Variants in SYT1 observed in about 807,000 individuals in gnomAD.
SYT1 encodes the protein synaptotagmin 1.
In SYT1, 8 loss-of-function variants were observed where a neutral mutation model predicts 44.8. The ratio of observed to expected loss-of-function variants is 0.18; its 90% CI spans 0.10 to 0.32. The LOEUF is 0.32. Among genes scored for constraint, SYT1 ranks in the 10% least tolerant of loss-of-function variants. The pLI is 1.00. For synonymous variants in SYT1, 154 were observed against 188.8 expected, an observed-to-expected ratio of 0.82 and a Z score of 1.51; for missense variants, 286 against 509.3, an observed-to-expected ratio of 0.56 and a Z score of 4.22.
rs56962075 is a variant in SYT1, at chr12:79,323,948, CTTTTTT to C, written c.810+24412_810+24417del. Among the ~76,000 whole-genome samples, 212 of 112,636 alleles carry C rather than the reference CTTTTTT, an allele frequency of 1.9e-3. 1 individual carries two copies. The highest frequency in any genetic ancestry group is 6.7e-3 in the African/African-American group (201 of 30,132). The allele number at this position is 112,636 out of a possible 152,430, so 73.9% of individuals were successfully genotyped here. The stretch of plus-strand genomic sequence containing the variant: ...ATTATGGTATTTTTGTTTCTATTTT[CTTTTTT>C]TTTTTTTTTTTTTTGAGATAGAGTC... On this transcript the variant is annotated intron_variant, in intron 8 of 10. Transcript: ENST00000261205.
chr12:79,416,669 A>G (rs746900740), intron 9 of SYT1, among the ~76,000 whole-genome samples: 76 of 152,194 alleles, frequency 5.0e-4, no homozygotes, highest in Admixed American at 1.4e-3. Flanking sequence ...CTAAGAATGG[A>G]AAGAAAAGGC....
Position 79,069,523 on chromosome 12 carries a change from CTATTTTATTTATGGA to C in SYT1, c.-18+22166_-18+22180del, listed in dbSNP as rs556199454. On this transcript the variant is annotated intron_variant, in intron 3 of 10. Coordinates refer to ENST00000261205, the MANE Select transcript of SYT1 (RefSeq NM_005639.3). ...GATGTTGAGACTCTAAGTGATTTTT[CTATTTTATTTATGGA>C]TATTATAATATTAATTTTAATACTA... Among the ~76,000 whole-genome samples, 413 of 150,592 alleles carry C rather than the reference CTATTTTATTTATGGA, an allele frequency of 2.7e-3. 1 individual carries two copies. Among genetic ancestry groups the C allele is most frequent in the African/African-American group, 9.6e-3 (395 of 41,116 alleles).
intron 9 of SYT1, among the ~76,000 whole-genome samples, chr12:79,434,622 G>T (rs1229458846): frequency 6.6e-6 from 1 of 152,144 alleles, no homozygotes; most frequent in Non-Finnish European, 1.5e-5. Context: ...AACTCTGAAT[G>T]TTAAATTTAT....
intron 3 of SYT1, among the ~76,000 whole-genome samples, chr12:79,059,499 G>A (rs1875216137): frequency 6.6e-6 from 1 of 152,028 alleles, no homozygotes. Context: ...CGTTATTTGT[G>A]TTAGTTATAA....
intron 3 of SYT1, among the ~76,000 whole-genome samples, chr12:79,051,411 C>T (rs1400984072): frequency 6.7e-6 from 1 of 149,890 alleles, no homozygotes; most frequent in Non-Finnish European, 1.5e-5. Flanking sequence ...TATATCTCTA[C>T]TATATATGTA....
chr12:79,350,279 G>T (rs1294745086), intron 8 of SYT1, among the ~76,000 whole-genome samples: 1 of 138,762 alleles, frequency 7.2e-6, no homozygotes, highest in Non-Finnish European at 1.5e-5. Flanking sequence ...TTGAGACGGA[G>T]TCTCGCTCTG....
Position 79,026,667 on chromosome 12 carries a change from TTATATATATATATATATA to T in SYT1, c.-83-20612_-83-20595del, listed in dbSNP as rs3064320. Among the ~76,000 whole-genome samples, 239 of 102,258 alleles carry T rather than the reference TTATATATATATATATATA, an allele frequency of 2.3e-3. 2 individuals are homozygous for T. The highest frequency in any genetic ancestry group is 3.7e-3 in the Non-Finnish European group (192 of 51,220). The allele number at this position is 102,258 out of a possible 152,430, so 67.1% of individuals were successfully genotyped here. A position where few individuals can be genotyped will look rare whatever the true frequency, so the allele number is the denominator to read the frequency against. ...TTGTGTGTGTATATACATATATATT[TTATATATATATATATATA>T]TATATATATATATATATCACACTTT... is the stretch of plus-strand genomic sequence containing the variant. On this transcript the variant is annotated intron_variant, in intron 2 of 10. Coordinates refer to ENST00000261205, the MANE Select transcript of SYT1 (RefSeq NM_005639.3).
chr12:79,423,739 T>C (rs1593054959), intron 9 of SYT1, among the ~76,000 whole-genome samples: 1 of 152,092 alleles, frequency 6.6e-6, no homozygotes, highest in East Asian at 2.0e-4. Context: ...TGATATGTTA[T>C]GGTCGAGATG....
chr12:79,396,092 A>T (rs1884859678), intron 9 of SYT1, among the ~76,000 whole-genome samples: 1 of 152,202 alleles, frequency 6.6e-6, no homozygotes, highest in Non-Finnish European at 1.5e-5. Context: ...TAAGCAGAAT[A>T]TTTTAATACT....
At chr12:78,937,145 C>T (rs1483952665) in intron 1 of SYT1, among the ~76,000 whole-genome samples, 3 of 152,180 alleles carry the variant, frequency 2.0e-5, no homozygotes, top group Non-Finnish European at 4.4e-5. Flanking sequence ...AATCAGGAAG[C>T]AGCCTGTCTA....
chr12:79,282,418 TAG>T (rs1221340244), intron 4 of SYT1, among the ~76,000 whole-genome samples: 2 of 152,214 alleles, frequency 1.3e-5, no homozygotes, highest in South Asian at 2.1e-4. Context: ...AAATTTTTAA[TAG>T]AGTTTTTATA....
At chr12:79,372,640 C>T (rs1396827859) in intron 9 of SYT1, among the ~76,000 whole-genome samples, 1 of 152,182 alleles carries the variant, frequency 6.6e-6, no homozygotes, top group South Asian at 2.1e-4. Flanking sequence ...TATTTCTGAA[C>T]AAGCAAATGA....
At chr12:79,183,567 C>T (rs1450751870) in intron 3 of SYT1, among the ~76,000 whole-genome samples, 1 of 151,988 alleles carries the variant, frequency 6.6e-6, no homozygotes, top group Non-Finnish European at 1.5e-5. Flanking sequence ...AGAAACCCTT[C>T]TCTAGGCTAA....
At chr12:79,301,573 T>C (rs2138887270) in intron 8 of SYT1, among the ~76,000 whole-genome samples, 1 of 152,178 alleles carries the variant, frequency 6.6e-6, no homozygotes, top group South Asian at 2.1e-4. Flanking sequence ...CAGCATAGAG[T>C]CTGGCATATG....
At chr12:79,039,618 A>AT (rs1005203083) in intron 2 of SYT1, among the ~76,000 whole-genome samples, 2 of 120,372 alleles carry the variant, frequency 1.7e-5, no homozygotes, top group African/African-American at 2.8e-5. Flanking sequence ...ATTTATTTTT[A>AT]TTTTTTTATT....
At chr12:79,324,812 C>T (rs901759032) in intron 8 of SYT1, among the ~76,000 whole-genome samples, 1 of 151,928 alleles carries the variant, frequency 6.6e-6, no homozygotes, top group Non-Finnish European at 1.5e-5. Flanking sequence ...CCATAACCTA[C>T]AAAGAACGGG....
rs7956302 is a variant in SYT1 at position 79,134,623 on chromosome 12, T to C, written c.-17-82880T>C. 6.0e-3 allele frequency among the ~76,000 whole-genome samples: 916 copies of C among 152,328 alleles called. 13 individuals are homozygous for C. Among genetic ancestry groups the C allele is most frequent in the African/African-American group, 0.02 (851 of 41,574 alleles). The stretch of plus-strand genomic sequence containing the variant: ...TAGTATGTTACTTGGTTAATATTTA[T>C]GTCTGTCTCATCCCTTAAGTCTACC... On this transcript the variant is annotated intron_variant, in intron 3 of 10. Transcript: ENST00000261205.
intron 1 of SYT1, among the ~76,000 whole-genome samples, chr12:78,967,498 A>G (rs993692227): frequency 6.6e-6 from 1 of 152,200 alleles, no homozygotes; most frequent in African/African-American, 2.4e-5. Flanking sequence ...GGAAGAATCA[A>G]TAGTATGTGA....
chr12:79,279,055 A>G (rs1878900258), intron 4 of SYT1, among the ~76,000 whole-genome samples: 1 of 151,638 alleles, frequency 6.6e-6, no homozygotes, highest in Non-Finnish European at 1.5e-5. Flanking sequence ...GCCCAGAACT[A>G]GATGAATTCA....
Sources: gnomAD v4.1 joint callset for allele counts (sites outside exome capture counted in the v4.1 genomes callset) on GRCh38, gnomAD v4.1.1 for gene constraint, MANE v1.5 for transcripts, NCBI Gene and HGNC (gene_info 2026-07-23, HGNC 2026-07-21) for gene names.